The following ARHGAP24 variants were observed in gnomAD, a reference collection of about 807,000 sequenced individuals.
The protein encoded by ARHGAP24 is rho GTPase-activating protein 24.
ARHGAP24 carries 50 observed loss-of-function variants against 76.4 expected under a neutral mutation model. That is an observed-to-expected ratio of 0.65 (90% CI 0.52 to 0.83). The LOEUF (loss-of-function observed/expected upper bound fraction) is 0.83. Among genes scored for constraint, ARHGAP24 ranks in the 40% least tolerant of loss-of-function variants. The pLI, the probability that ARHGAP24 is intolerant of heterozygous loss-of-function variation, is 0.00. For synonymous variants in ARHGAP24, 345 were observed against 323.3 expected (o/e 1.07, Z -0.72); for missense variants, 930 against 914.2 (o/e 1.02, Z -0.22).
intron 2 of ARHGAP24, among the ~76,000 whole-genome samples, chr4:85,635,262 C>A (rs1357977508): frequency 2.0e-5 from 3 of 148,478 alleles, no homozygotes; most frequent in Non-Finnish European, 4.5e-5. Flanking sequence ...TGTGTACCTG[C>A]CATAGTTACC....
chr4:85,674,674 A>C (rs1722913586), intron 2 of ARHGAP24, among the ~76,000 whole-genome samples: 1 of 152,160 alleles, frequency 6.6e-6, no homozygotes, highest in Non-Finnish European at 1.5e-5. Flanking sequence ...TGTGAAAATC[A>C]ATGAGTTAAT....
intron 1 of ARHGAP24, among the ~76,000 whole-genome samples, chr4:85,549,597 ACT>A (rs1263995412): frequency 1.3e-5 from 2 of 151,838 alleles, no homozygotes; most frequent in East Asian, 3.9e-4. Flanking sequence ...TTGCCTATAC[ACT>A]GTTTTTCTTT....
rs1281055691 is a variant in ARHGAP24, at chr4:86,002,231, A to C, written c.*1509A>C. The C allele has an allele frequency of 2.0e-5, 3 of 152,196 alleles. No homozygotes were observed. Among genetic ancestry groups the C allele is most frequent in the African/African-American group, 7.2e-5 (3 of 41,454 alleles). The allele number at this position is 152,196 out of a possible 1,614,324, so 9.4% of individuals were successfully genotyped here. A position where few individuals can be genotyped will look rare whatever the true frequency, so the allele number is the denominator to read the frequency against. ...GTGTTTATTTATTTTCAAGAGGGAA[A>C]GTGGTCTGTACTGCTTTCATCCTTG... On this transcript the variant is annotated 3_prime_UTR_variant, in exon 10 of 10. Transcript: ENST00000395184.
At chr4:85,661,675 A>T (rs1195916263) in intron 2 of ARHGAP24, among the ~76,000 whole-genome samples, 2 of 114,668 alleles carry the variant, frequency 1.7e-5, no homozygotes, top group African/African-American at 3.4e-5. Context: ...CCCTTCCCCC[A>T]CCCCACAACA....
intron 2 of ARHGAP24, among the ~76,000 whole-genome samples, chr4:85,681,877 G>A (rs1723215851): frequency 6.6e-6 from 1 of 152,146 alleles, no homozygotes; most frequent in South Asian, 2.1e-4. Context: ...AGGCTAAAAT[G>A]TATTGACCAC....
chr4:85,958,469 C>G (rs532804520), intron 5 of ARHGAP24, among the ~76,000 whole-genome samples: 1 of 152,156 alleles, frequency 6.6e-6, no homozygotes, highest in South Asian at 2.1e-4. Flanking sequence ...AGTATTTCAC[C>G]AGAAACTCTT....
chr4:85,517,307 C>T (rs1266456837), intron 1 of ARHGAP24, among the ~76,000 whole-genome samples: 1 of 152,094 alleles, frequency 6.6e-6, no homozygotes, highest in African/African-American at 2.4e-5. Flanking sequence ...AATAGCCCCC[C>T]TCTCATTTTA....
chr4:85,774,571 C>G (rs1459889522), intron 3 of ARHGAP24, among the ~76,000 whole-genome samples: 1 of 152,182 alleles, frequency 6.6e-6, no homozygotes, highest in African/African-American at 2.4e-5. Flanking sequence ...CTCTTAGGAC[C>G]TCTAGCAAAT....
At chr4:85,747,654 G>T (rs889032608) in intron 3 of ARHGAP24, among the ~76,000 whole-genome samples, 1 of 152,208 alleles carries the variant, frequency 6.6e-6, no homozygotes, top group Non-Finnish European at 1.5e-5. Context: ...AGTGAGCCGA[G>T]ATTGTGCCAC....
At chr4:85,834,634 G>A (rs1198600241) in intron 3 of ARHGAP24, among the ~76,000 whole-genome samples, 4 of 152,220 alleles carry the variant, frequency 2.6e-5, no homozygotes, top group East Asian at 3.8e-4. Flanking sequence ...GAGAAGATCT[G>A]TGACGTCCAC....
In ARHGAP24 at chr4:86,000,859, T is replaced by C; in HGVS notation, c.*137T>C. On this transcript the variant is annotated 3_prime_UTR_variant, in exon 10 of 10. Transcript: ENST00000395184. The stretch of plus-strand genomic sequence containing the variant: ...GTGAAGGAATATCATTTACAGACAT[T>C]AAACATCCATATCTGCAATGTGTAC... 7.8e-7 allele frequency: 1 copy of C among 1,278,070 alleles called. No individual in the cohort carries two copies. The highest frequency in any genetic ancestry group is 2.5e-5 in the East Asian group (1 of 39,524). 79.2% of individuals were successfully genotyped at this position (1,278,070 alleles called of 1,614,324 possible). A position where few individuals can be genotyped will look rare whatever the true frequency, so the allele number is the denominator to read the frequency against.
At position 85,742,550 on chromosome 4, in the gene ARHGAP24, T is replaced by C. The variant is rs534891578; in HGVS notation, c.268+20578T>C. Among the ~76,000 whole-genome samples the C allele has an allele frequency of 5.9e-5, 9 of 152,312 alleles. No individual in the cohort carries two copies. In the East Asian group the frequency reaches 1.5e-3, roughly 26 times the overall value. Reference sequence around the variant, plus strand: ...GACGTATAGATTGACATATAGTGAATTGGTTAATTGAATGTCTGCATCAGA... The same window carrying C: ...GACGTATAGATTGACATATAGTGAACTGGTTAATTGAATGTCTGCATCAGA... On this transcript the variant is annotated intron_variant, in intron 3 of 9. Transcript: ENST00000395184.
chr4:85,726,456 T>A (rs1317836265), intron 3 of ARHGAP24, among the ~76,000 whole-genome samples: 2 of 152,132 alleles, frequency 1.3e-5, no homozygotes, highest in Non-Finnish European at 2.9e-5. Context: ...GCAACTGAAG[T>A]CTTAGCTGAT....
intron 3 of ARHGAP24, among the ~76,000 whole-genome samples, chr4:85,860,516 G>A (rs345356): frequency 0.37 from 56,408 of 151,974 alleles, 11,193 homozygotes; most frequent in Non-Finnish European, 0.45. Context: ...TTTACTGCAT[G>A]TGTCTCTGTG....
At chr4:85,769,244 A>C (rs992539813) in intron 3 of ARHGAP24, among the ~76,000 whole-genome samples, 1 of 152,192 alleles carries the variant, frequency 6.6e-6, no homozygotes, top group Non-Finnish European at 1.5e-5. Context: ...GGTGTGATTC[A>C]TCCATTCATT....
At chr4:85,678,432 A>T (rs941981723) in intron 2 of ARHGAP24, among the ~76,000 whole-genome samples, 41 of 152,216 alleles carry the variant, frequency 2.7e-4, no homozygotes, top group African/African-American at 9.9e-4. Flanking sequence ...GTTCAACACA[A>T]TCAAGAATTT....
intron 3 of ARHGAP24, among the ~76,000 whole-genome samples, chr4:85,882,303 T>C (rs1733304294): frequency 6.6e-6 from 1 of 152,184 alleles, no homozygotes. Flanking sequence ...CAGTATCATA[T>C]GTTTATGAGG....
rs1246865180 is a variant in ARHGAP24 at position 85,936,035 on chromosome 4, A to G, written c.392-6031A>G. On this transcript the variant is annotated intron_variant, in intron 4 of 9. Transcript: ENST00000395184. Reference sequence around the variant, plus strand: ...GCCTTGCTTTGTTTCTTAGTTCTGTACTAAAATGGATGTATTTTACTTTGA... The same window carrying G: ...GCCTTGCTTTGTTTCTTAGTTCTGTGCTAAAATGGATGTATTTTACTTTGA... 2.6e-5 allele frequency among the ~76,000 whole-genome samples: 4 copies of G among 152,184 alleles called. No homozygotes were observed. The East Asian group carries it at 7.7e-4, about 29-fold the overall frequency.
At chr4:85,819,964 T>C (rs1224041015) in intron 3 of ARHGAP24, among the ~76,000 whole-genome samples, 1 of 152,214 alleles carries the variant, frequency 6.6e-6, no homozygotes, top group Non-Finnish European at 1.5e-5. Context: ...GTACGGCCTA[T>C]GGAACCATGA....
Sources: gnomAD v4.1 joint callset for allele counts (sites outside exome capture counted in the v4.1 genomes callset) on GRCh38, gnomAD v4.1.1 for gene constraint, MANE v1.5 for transcripts, NCBI Gene and HGNC (gene_info 2026-07-23, HGNC 2026-07-21) for gene names.